The following SEMA3A variants were observed in gnomAD, a reference collection of about 807,000 sequenced individuals.
The protein encoded by SEMA3A is semaphorin 3A.
Under a neutral mutation model 97.9 loss-of-function variants are expected in SEMA3A, and 29 were observed. The ratio of observed to expected loss-of-function variants is 0.30; its 90% CI spans 0.22 to 0.40. The LOEUF is 0.40. SEMA3A is among the 10% of genes least tolerant of loss of function. The probability of loss-of-function intolerance (pLI) is 1.00; values close to 1 mark genes in which losing one functional copy is unlikely to be tolerated. For missense variants in SEMA3A, 763 were observed against 951.3 expected, an observed-to-expected ratio of 0.80 and a Z score of 2.60; for synonymous variants, 321 against 323.7, an observed-to-expected ratio of 0.99 and a Z score of 0.09.
At chr7:84,348,158 A>T (rs889749823) in intron 2 of SEMA3A, among the ~76,000 whole-genome samples, 5 of 152,170 alleles carry the variant, frequency 3.3e-5, no homozygotes, top group Non-Finnish European at 7.3e-5. Context: ...CTGAATATTA[A>T]ATTTCACTTA....
intron 1 of SEMA3A, among the ~76,000 whole-genome samples, chr7:84,377,504 G>C (rs1413997272): frequency 6.6e-6 from 1 of 152,064 alleles, no homozygotes; most frequent in Non-Finnish European, 1.5e-5. Context: ...GGTTACTATA[G>C]CTTTGTAGTA....
At chr7:84,431,552 ATC>A (rs1210195605) in intron 1 of SEMA3A, among the ~76,000 whole-genome samples, 3 of 152,142 alleles carry the variant, frequency 2.0e-5, no homozygotes, top group African/African-American at 7.2e-5. Flanking sequence ...ATTTTTTGTC[ATC>A]TCCTCAGGAT....
At chr7:84,372,519 G>A (rs965211958) in intron 1 of SEMA3A, among the ~76,000 whole-genome samples, 3 of 152,072 alleles carry the variant, frequency 2.0e-5, no homozygotes, top group African/African-American at 7.2e-5. Context: ...GAGGTTGAGT[G>A]GGTGGATACA....
chr7:84,098,903 G>C (rs557777383), intron 4 of SEMA3A, among the ~76,000 whole-genome samples: 3 of 149,102 alleles, frequency 2.0e-5, no homozygotes, highest in African/African-American at 7.3e-5. Context: ...TTCTTTCACA[G>C]AATTATTAAA....
At chr7:84,336,742 G>C (rs1458234544) in intron 2 of SEMA3A, among the ~76,000 whole-genome samples, 1 of 152,072 alleles carries the variant, frequency 6.6e-6, no homozygotes, top group African/African-American at 2.4e-5. Flanking sequence ...AGGGCTATGA[G>C]AGATTGATAC....
intron 4 of SEMA3A, among the ~76,000 whole-genome samples, chr7:84,084,433 G>C (rs1009459235): frequency 6.6e-6 from 1 of 151,788 alleles, no homozygotes; most frequent in Non-Finnish European, 1.5e-5. Flanking sequence ...CTAGTGAATT[G>C]TAATTCTATT....
intron 4 of SEMA3A, among the ~76,000 whole-genome samples, chr7:84,105,223 T>C (rs548326728): frequency 3.3e-5 from 5 of 152,274 alleles, no homozygotes; most frequent in African/African-American, 1.2e-4. Flanking sequence ...TTGCTCTTCA[T>C]TGGACTAAAT....
intron 1 of SEMA3A, among the ~76,000 whole-genome samples, chr7:84,169,624 CAGAAG>C (rs1387527548): frequency 6.6e-6 from 1 of 150,586 alleles, no homozygotes; most frequent in Non-Finnish European, 1.5e-5. Flanking sequence ...ATAATTTTTC[CAGAAG>C]TTTCTTCTTG....
At chr7:84,165,742 A>G (rs2116183057) in intron 1 of SEMA3A, among the ~76,000 whole-genome samples, 1 of 152,116 alleles carries the variant, frequency 6.6e-6, no homozygotes, top group Admixed American at 6.5e-5. Context: ...TAGTAGAGAC[A>G]GGGTTTCACC....
intron 4 of SEMA3A, among the ~76,000 whole-genome samples, chr7:84,061,063 T>C (rs536554356): frequency 3.9e-5 from 6 of 152,316 alleles, no homozygotes; most frequent in African/African-American, 1.4e-4. Context: ...CACTATGTCC[T>C]TTGCACATCT....
At chr7:84,311,648 C>G (rs918881946) in intron 2 of SEMA3A, among the ~76,000 whole-genome samples, 1 of 151,814 alleles carries the variant, frequency 6.6e-6, no homozygotes, top group Non-Finnish European at 1.5e-5. Context: ...GTACACTTTT[C>G]CAGCAACCAG....
At chr7:84,422,220 T>C (rs574033026) in intron 1 of SEMA3A, among the ~76,000 whole-genome samples, 1 of 152,242 alleles carries the variant, frequency 6.6e-6, no homozygotes, top group South Asian at 2.1e-4. Flanking sequence ...ATTCAGGGAT[T>C]AGACTTCTTC....
At chr7:84,326,486 G>A (rs1476699688) in intron 2 of SEMA3A, among the ~76,000 whole-genome samples, 5 of 151,990 alleles carry the variant, frequency 3.3e-5, no homozygotes, top group African/African-American at 1.2e-4. Flanking sequence ...GATACAGAAT[G>A]ATTAATTTTA....
At chr7:84,114,053 A>C (rs1362910287) in intron 3 of SEMA3A, among the ~76,000 whole-genome samples, 1 of 152,182 alleles carries the variant, frequency 6.6e-6, no homozygotes, top group Non-Finnish European at 1.5e-5. Context: ...CATTGCAGAT[A>C]TGAAGCACTG....
chr7:84,064,598 A>G (rs1296174907), intron 4 of SEMA3A, among the ~76,000 whole-genome samples: 2 of 151,766 alleles, frequency 1.3e-5, no homozygotes, highest in African/African-American at 2.4e-5. Context: ...ATGGAAAACA[A>G]AAAAAGGCAG....
At chr7:84,161,335 G>A (rs1797028244) in intron 1 of SEMA3A, among the ~76,000 whole-genome samples, 1 of 151,952 alleles carries the variant, frequency 6.6e-6, no homozygotes, top group Non-Finnish European at 1.5e-5. Context: ...TTGCACTCCA[G>A]CTTGGGCAAC....
intron 1 of SEMA3A, among the ~76,000 whole-genome samples, chr7:84,382,272 T>A (rs993851235): frequency 6.6e-6 from 1 of 151,682 alleles, no homozygotes; most frequent in Non-Finnish European, 1.5e-5. Context: ...CACCGCCAAC[T>A]AATTTTTGTA....
At chr7:84,104,539 G>T (rs149242134) in intron 4 of SEMA3A, among the ~76,000 whole-genome samples, 3 of 149,618 alleles carry the variant, frequency 2.0e-5, no homozygotes, top group Non-Finnish European at 4.4e-5. Context: ...CAAATATTCA[G>T]GGAAATCAAG....
intron 5 of SEMA3A, among the ~76,000 whole-genome samples, chr7:84,050,004 G>A (rs969616389): frequency 1.3e-5 from 2 of 150,840 alleles, no homozygotes; most frequent in African/African-American, 4.9e-5. Context: ...TGAGAATGAT[G>A]TTTTCCAGTT....
Sources: gnomAD v4.1 joint callset for allele counts (sites outside exome capture counted in the v4.1 genomes callset) on GRCh38, gnomAD v4.1.1 for gene constraint, MANE v1.5 for transcripts, NCBI Gene and HGNC (gene_info 2026-07-23, HGNC 2026-07-21) for gene names.